Variants in CAB39 observed in about 807,000 individuals in gnomAD.
CAB39 encodes the protein calcium-binding protein 39.
In CAB39, 8 loss-of-function variants were observed where a neutral mutation model predicts 40.0. That is an observed-to-expected ratio of 0.20 (90% CI 0.12 to 0.36). The LOEUF is 0.36. Among genes scored for constraint, CAB39 ranks in the 10% least tolerant of loss-of-function variants. The pLI, the probability that CAB39 is intolerant of heterozygous loss-of-function variation, is 1.00. For missense variants in CAB39, 270 were observed against 401.1 expected, an observed-to-expected ratio of 0.67 and a Z score of 2.79; for synonymous variants, 156 against 141.6, an observed-to-expected ratio of 1.10 and a Z score of -0.72.
intron 2 of CAB39, among the ~76,000 whole-genome samples, chr2:230,771,826 A>G (rs1014165818): frequency 1.3e-5 from 2 of 152,262 alleles, no homozygotes; most frequent in African/African-American, 4.8e-5. Context: ...TGACAAAGGC[A>G]TAAATGCAGT....
intron 1 of CAB39, among the ~76,000 whole-genome samples, chr2:230,748,824 AAAAAAAAATATATATATAT>A (rs1396242490): frequency 9.7e-5 from 7 of 72,384 alleles, no homozygotes; most frequent in Admixed American, 3.2e-4. Context: ...AAAAAAAAAA[AAAAAAAAATATATATATAT>A]ATATATATAT....
rs539142150 is a variant in CAB39, at chr2:230,744,574, G to C, written c.-43-15385G>C. Among the ~76,000 whole-genome samples the C allele has an allele frequency of 3.9e-5, 6 of 152,372 alleles. No individual in the cohort carries two copies. In the South Asian group the frequency reaches 1.2e-3, roughly 32 times the overall value. On this transcript the variant is annotated intron_variant, in intron 1 of 8. Coordinates refer to ENST00000258418, the MANE Select transcript of CAB39 (RefSeq NM_016289.4). ...CCCAAAGTGCTGGGATTACAGGCGTGAGCCACCACGCCTGGCCTCCAACCA... is the reference window on the plus strand; with the variant it reads ...CCCAAAGTGCTGGGATTACAGGCGTCAGCCACCACGCCTGGCCTCCAACCA...
intron 1 of CAB39, among the ~76,000 whole-genome samples, chr2:230,720,798 T>A (rs1694436675): frequency 6.6e-6 from 1 of 152,210 alleles, no homozygotes; most frequent in African/African-American, 2.4e-5. Flanking sequence ...TTTTTCCTGC[T>A]TTGATGGCAT....
chr2:230,761,887 AT>A (rs772949986), intron 2 of CAB39, among the ~76,000 whole-genome samples: 10 of 117,688 alleles, frequency 8.5e-5, no homozygotes, highest in African/African-American at 3.4e-4. Flanking sequence ...TTTGTTTTTT[AT>A]TTGTTGTTGT....
intron 1 of CAB39, among the ~76,000 whole-genome samples, chr2:230,727,380 G>GTGTGTGT (rs1353573859): frequency 2.0e-5 from 3 of 146,514 alleles, no homozygotes; most frequent in Non-Finnish European, 4.5e-5. Context: ...GTGTGTGTGT[G>GTGTGTGT]TGTGTGTGTG....
At chr2:230,742,564 A>G (rs1359016639) in intron 1 of CAB39, among the ~76,000 whole-genome samples, 9 of 152,056 alleles carry the variant, frequency 5.9e-5, no homozygotes, top group Non-Finnish European at 1.2e-4. Context: ...TTTGCAAAAA[A>G]AAAAAAAAAA....
chr2:230,714,476 C>G (rs1223224584), intron 1 of CAB39, among the ~76,000 whole-genome samples: 1 of 152,180 alleles, frequency 6.6e-6, no homozygotes, highest in East Asian at 1.9e-4. Flanking sequence ...GGAAAGGTGT[C>G]TATAAAATAA....
chr2:230,801,613 T>C (rs1324672896), intron 5 of CAB39, among the ~76,000 whole-genome samples: 1 of 152,186 alleles, frequency 6.6e-6, no homozygotes, highest in Admixed American at 6.5e-5. Flanking sequence ...GGCTCACGCC[T>C]GTAATCCCAC....
chr2:230,771,067 TA>T (rs1202101441), intron 2 of CAB39, among the ~76,000 whole-genome samples: 1 of 152,100 alleles, frequency 6.6e-6, no homozygotes, highest in Non-Finnish European at 1.5e-5. Context: ...AAAAATAAAT[TA>T]AAGGCATTCA....
intron 1 of CAB39, among the ~76,000 whole-genome samples, chr2:230,743,994 A>G (rs1315812702): frequency 6.8e-6 from 1 of 147,366 alleles, no homozygotes; most frequent in Non-Finnish European, 1.5e-5. Context: ...ATCTCAGCTC[A>G]CTGCAAACTT....
intron 2 of CAB39, among the ~76,000 whole-genome samples, chr2:230,776,648 C>G (rs1329018378): frequency 1.3e-5 from 2 of 152,108 alleles, no homozygotes; most frequent in Non-Finnish European, 2.9e-5. Context: ...TCTGGAGAAA[C>G]AAGTAGGTCA....
At chr2:230,777,408 A>G (rs1034582041) in intron 2 of CAB39, among the ~76,000 whole-genome samples, 1 of 141,960 alleles carries the variant, frequency 7.0e-6, no homozygotes, top group Non-Finnish European at 1.5e-5. Context: ...TCATGTGCAT[A>G]TAGATCTCAA....
At chr2:230,724,195 C>T (rs990255242) in intron 1 of CAB39, among the ~76,000 whole-genome samples, 1 of 149,842 alleles carries the variant, frequency 6.7e-6, no homozygotes, top group South Asian at 2.1e-4. Flanking sequence ...TGCAGCGCGC[C>T]GAGATTGCGC....
At chr2:230,776,153 A>G (rs1255803606) in intron 2 of CAB39, among the ~76,000 whole-genome samples, 2 of 152,218 alleles carry the variant, frequency 1.3e-5, no homozygotes, top group Non-Finnish European at 2.9e-5. Flanking sequence ...AAGACTAGAG[A>G]AACAAGCTTT....
intron 2 of CAB39, among the ~76,000 whole-genome samples, chr2:230,774,811 T>C (rs1460456430): frequency 6.6e-6 from 1 of 152,124 alleles, no homozygotes; most frequent in Non-Finnish European, 1.5e-5. Flanking sequence ...TAATAGACTT[T>C]CCTTAGTCCA....
intron 5 of CAB39, 39 bp downstream of exon 5, chr2:230,798,936 CAG>C (rs758381760): frequency 1.3e-6 from 2 of 1,499,082 alleles, no homozygotes; most frequent in South Asian, 1.3e-5. Context: ...CCTTGAAAGT[CAG>C]AGGTGTGCTG....
intron 1 of CAB39, among the ~76,000 whole-genome samples, chr2:230,750,206 G>A (rs566660689): frequency 7.6e-4 from 116 of 152,332 alleles, no homozygotes; most frequent in African/African-American, 2.6e-3. Context: ...TAATGTGGCA[G>A]TGTTGGGAGG....
At chr2:230,768,169 T>C (rs1053697899) in intron 2 of CAB39, among the ~76,000 whole-genome samples, 2 of 152,224 alleles carry the variant, frequency 1.3e-5, no homozygotes, top group East Asian at 1.9e-4. Flanking sequence ...CTTAATCTTA[T>C]CTGAATTAGT....
chr2:230,761,875 TG>T (rs1695297606), intron 2 of CAB39, among the ~76,000 whole-genome samples: 1 of 144,410 alleles, frequency 6.9e-6, no homozygotes, highest in Admixed American at 6.9e-5. Flanking sequence ...TACTGTTTTT[TG>T]TTTGTTTTTT....
Sources: gnomAD v4.1 joint callset for allele counts (sites outside exome capture counted in the v4.1 genomes callset) on GRCh38, gnomAD v4.1.1 for gene constraint, MANE v1.5 for transcripts, NCBI Gene and HGNC (gene_info 2026-07-23, HGNC 2026-07-21) for gene names.